The following UGT2B10 variants were observed in gnomAD, a reference collection of about 807,000 sequenced individuals.
The protein encoded by UGT2B10 is UDP-glucuronosyltransferase 2B10.
Under a neutral mutation model 43.7 loss-of-function variants are expected in UGT2B10, and 51 were observed. That is an observed-to-expected ratio of 1.17 (90% confidence interval 0.93 to 1.47). UGT2B10 has a LOEUF of 1.47. Among genes scored for constraint, UGT2B10 ranks in the 40% most tolerant of loss-of-function variants. The probability of loss-of-function intolerance (pLI) is 0.00; values close to 1 mark genes in which losing one functional copy is unlikely to be tolerated. For synonymous variants in UGT2B10, 225 were observed against 209.0 expected (o/e 1.08, Z -0.66); for missense variants, 696 against 617.7 (o/e 1.13, Z -1.34).
At position 68,816,111 on chromosome 4, in the gene UGT2B10, A is replaced by C. The variant is rs922753346; in HGVS notation, c.92A>C (p.Glu31Ala). The C allele has an allele frequency of 3.7e-6, 6 of 1,613,158 alleles. No individual in the cohort carries two copies. The African/African-American group carries it at 4.0e-5, about 11-fold the overall frequency. The change falls in exon 1 of 6, where the codon GAA (glutamate) becomes GCA (alanine). Residue 31 changes from glutamate (E) to alanine (A), a missense_variant. Transcript: ENST00000265403. ...SCGKVLVWAA[E>A]YSLWMNMKTI... is the part of the protein sequence containing the mutation. ...GGAAAGGTGCTGGTATGGGCCGCAGAATACAGCCTTTGGATGAATATGAAG... is the reference window on the plus strand; with the variant it reads ...GGAAAGGTGCTGGTATGGGCCGCAGCATACAGCCTTTGGATGAATATGAAG...
At chr4:68,829,144 A>G (rs190240371) in intron 5 of UGT2B10, among the ~76,000 whole-genome samples, 65 of 152,204 alleles carry the variant, frequency 4.3e-4, no homozygotes, top group Admixed American at 1.4e-3. Context: ...TAAAATGAAG[A>G]CATAGTTTGT....
Position 68,816,523 on chromosome 4 carries a change from G to A in UGT2B10, c.504G>A (p.Val168=), listed in dbSNP as rs766939656. Residue 168 remains valine (V), a synonymous_variant, in exon 1 of 6, where the codon GTG becomes GTA. Transcript: ENST00000265403. ...LLAELFNIPF[V]YSHSFSPGYS... ...CTGAGCTATTTAACATACCCTTTGT[G>A]TACAGTCACAGCTTCAGTCCTGGCT... 6.2e-6 allele frequency: 10 copies of A among 1,613,062 alleles called. No homozygotes were observed. The East Asian group carries it at 2.2e-4, about 36-fold the overall frequency.
intron 2 of UGT2B10, among the ~76,000 whole-genome samples, chr4:68,820,366 T>A (rs563832703): frequency 2.6e-5 from 4 of 152,208 alleles, no homozygotes; most frequent in Non-Finnish European, 5.9e-5. Context: ...AATAAGACAC[T>A]TGACAAAATG....
Sources: gnomAD v4.1 joint callset for allele counts (sites outside exome capture counted in the v4.1 genomes callset) on GRCh38, gnomAD v4.1.1 for gene constraint, MANE v1.5 for transcripts, NCBI Gene and HGNC (gene_info 2026-07-23, HGNC 2026-07-21) for gene names.